The following NXPE4 variants were observed in gnomAD, a reference collection of about 807,000 sequenced individuals.
The protein encoded by NXPE4 is neurexophilin and PC-esterase domain family member 4.
NXPE4 carries 42 observed loss-of-function variants against 33.3 expected under a neutral mutation model. The observed-to-expected ratio is 1.26, with a 90% CI of 0.98 to 1.63. The LOEUF (loss-of-function observed/expected upper bound fraction) is 1.63. Ranked by LOEUF, NXPE4 falls within the 40% of genes most tolerant of loss-of-function variation. NXPE4 has a pLI of 0.00. For missense variants in NXPE4, 709 were observed against 647.6 expected (o/e 1.09, Z -1.03); for synonymous variants, 253 against 234.9 (o/e 1.08, Z -0.71).
chr11:114,676,772 A>C, the NXPE4 span, among the ~76,000 whole-genome samples: 1 of 152,050 alleles, frequency 6.6e-6, no homozygotes, highest in African/African-American at 2.4e-5. Context: ...TCCAAAGGAA[A>C]AGAAGTCAGT....
the NXPE4 span, among the ~76,000 whole-genome samples, chr11:114,602,972 C>T: frequency 6.7e-6 from 1 of 149,814 alleles, no homozygotes; most frequent in Non-Finnish European, 1.5e-5. Context: ...ATTACAGAAT[C>T]ATATAATTAT....
upstream of NXPE4, among the ~76,000 whole-genome samples, chr11:114,596,191 C>A (rs947575111): frequency 6.6e-5 from 10 of 152,104 alleles, no homozygotes; most frequent in African/African-American, 2.4e-4. Context: ...CTGAATTGAA[C>A]TAAAAGAACT....
At chr11:114,602,600 A>G in the NXPE4 span, among the ~76,000 whole-genome samples, 19 of 140,958 alleles carry the variant, frequency 1.3e-4, no homozygotes, top group South Asian at 3.7e-3. Flanking sequence ...TTACAGATTC[A>G]TATATAATAA....
At chr11:114,667,642 C>T in the NXPE4 span, among the ~76,000 whole-genome samples, 2 of 152,138 alleles carry the variant, frequency 1.3e-5, no homozygotes, top group African/African-American at 4.8e-5. Flanking sequence ...CCAGCTGCCA[C>T]ATCATGAGTA....
At chr11:114,589,988 C>T (rs187803848) in intron 2 of NXPE4, among the ~76,000 whole-genome samples, 1 of 152,182 alleles carries the variant, frequency 6.6e-6, no homozygotes, top group Non-Finnish European at 1.5e-5. Flanking sequence ...TTAAAGGATG[C>T]CTTTTTCTGC....
the NXPE4 span, among the ~76,000 whole-genome samples, chr11:114,623,560 C>T: frequency 1.3e-5 from 2 of 152,214 alleles, no homozygotes; most frequent in East Asian, 3.9e-4. Flanking sequence ...ATACGTATTG[C>T]CTCATGGGTA....
chr11:114,599,810 C>G (rs558088010), upstream of NXPE4, among the ~76,000 whole-genome samples: 2 of 152,076 alleles, frequency 1.3e-5, no homozygotes, highest in Non-Finnish European at 2.9e-5. Flanking sequence ...ACTCTGCCCC[C>G]GTGATCCAAT....
the NXPE4 span, among the ~76,000 whole-genome samples, chr11:114,628,765 A>G: frequency 6.6e-6 from 1 of 151,974 alleles, no homozygotes; most frequent in South Asian, 2.1e-4. Flanking sequence ...CAAAATTGAT[A>G]GAAAGCTAGC....
the NXPE4 span, among the ~76,000 whole-genome samples, chr11:114,676,247 G>C: frequency 6.6e-6 from 1 of 151,782 alleles, no homozygotes; most frequent in Non-Finnish European, 1.5e-5. Flanking sequence ...ACAAAAAATA[G>C]ACAAAATGAG....
At chr11:114,583,120 T>C (rs1949195503) in intron 2 of NXPE4, 99 bp from the exon 3 acceptor site, 19 of 1,268,464 alleles carry the variant, frequency 1.5e-5, no homozygotes, top group Non-Finnish European at 2.1e-5. Flanking sequence ...AACATGTTCC[T>C]AGTCATTTTT....
intron 2 of NXPE4, among the ~76,000 whole-genome samples, chr11:114,585,700 G>C (rs550609795): frequency 6.6e-6 from 1 of 152,144 alleles, no homozygotes; most frequent in Admixed American, 6.6e-5. Context: ...TAGGTAGACA[G>C]TGAGGGTAAA....
the NXPE4 span, among the ~76,000 whole-genome samples, chr11:114,609,118 A>T: frequency 6.6e-6 from 1 of 152,004 alleles, no homozygotes; most frequent in South Asian, 2.1e-4. Context: ...AGCTACTGTT[A>T]CCCGGTGGAT....
At chr11:114,640,729 T>C in the NXPE4 span, among the ~76,000 whole-genome samples, 1 of 152,038 alleles carries the variant, frequency 6.6e-6, no homozygotes, top group African/African-American at 2.4e-5. Context: ...ATTTTTTATA[T>C]GTTTGTTGGT....
chr11:114,630,426 T>G, the NXPE4 span, among the ~76,000 whole-genome samples: 12 of 151,666 alleles, frequency 7.9e-5, no homozygotes, highest in Non-Finnish European at 1.3e-4. Context: ...ATGGGGAAAG[T>G]ATTCCCTATT....
At chr11:114,603,712 C>T in the NXPE4 span, among the ~76,000 whole-genome samples, 6 of 151,656 alleles carry the variant, frequency 4.0e-5, no homozygotes, top group South Asian at 2.1e-4. Flanking sequence ...AGTATTGCCT[C>T]GTCTCCTAGT....
Position 114,582,279 on chromosome 11 carries a change from T to G in NXPE4, c.830+9A>C, listed in dbSNP as rs778460503. On this transcript the variant is annotated intron_variant, in intron 3 of 5. Transcript: ENST00000375478. ...TGCACAGGTAGTCTCAAGAAGTAAT[T>G]ATTTTTACCTTTCAAAGAGGCTCTT... 1.9e-6 allele frequency: 3 copies of G among 1,548,940 alleles called. No homozygotes were observed. The Admixed American group carries it at 6.1e-5, about 31-fold the overall frequency.
At chr11:114,607,561 G>T in the NXPE4 span, among the ~76,000 whole-genome samples, 2 of 152,048 alleles carry the variant, frequency 1.3e-5, no homozygotes, top group African/African-American at 2.4e-5. Context: ...ATTGCCTCGT[G>T]GGTAACCACA....
chr11:114,580,859 A>G (rs936487880), intron 4 of NXPE4, among the ~76,000 whole-genome samples: 1 of 152,226 alleles, frequency 6.6e-6, no homozygotes, highest in Non-Finnish European at 1.5e-5. Context: ...TTAGAGGTCC[A>G]AGATGGGCCA....
At chr11:114,611,860 T>G in the NXPE4 span, among the ~76,000 whole-genome samples, 1 of 151,982 alleles carries the variant, frequency 6.6e-6, no homozygotes, top group Non-Finnish European at 1.5e-5. Flanking sequence ...AAACCACTGT[T>G]ACCTGGTGTA....
Sources: allele counts gnomAD v4.1 joint callset (sites outside exome capture counted in the v4.1 genomes callset), GRCh38; gene constraint gnomAD v4.1.1; transcripts MANE v1.5; gene names NCBI Gene and HGNC (gene_info 2026-07-23, HGNC 2026-07-21).